The following CYP2B6 variants were observed in gnomAD, a reference collection of about 807,000 sequenced individuals.
CYP2B6 encodes the protein cytochrome P450 family 2 subfamily B member 6.
In CYP2B6, 35 loss-of-function variants were observed where a neutral mutation model predicts 43.4. The observed-to-expected ratio is 0.81, with a 90% confidence interval of 0.62 to 1.07. CYP2B6 has a LOEUF of 1.07. Ranked by LOEUF, CYP2B6 falls within the 50% of genes least tolerant of loss-of-function variation. CYP2B6 has a pLI of 0.00. For synonymous variants in CYP2B6, 239 were observed against 239.2 expected (o/e 1.00, Z 0.01); for missense variants, 624 against 632.8 (o/e 0.99, Z 0.15).
rs997373404 is a variant in CYP2B6 at position 41,018,121 on chromosome 19, G to A, written c.*1294G>A. On this transcript the variant is annotated 3_prime_UTR_variant, in exon 9 of 9. Coordinates refer to ENST00000324071, the MANE Select transcript of CYP2B6 (RefSeq NM_000767.5). ...AGTGTTCCAAAGTGCTGATATTACA[G>A]GCATAATATGTGATCTTTTGTGTCT... 2 of 152,152 alleles carry A rather than the reference G, an allele frequency of 1.3e-5. No homozygotes were observed. Among genetic ancestry groups the A allele is most frequent in the African/African-American group, 4.8e-5 (2 of 41,420 alleles). The allele number at this position is 152,152 out of a possible 1,614,324, so 9.4% of individuals were successfully genotyped here. A position where few individuals can be genotyped will look rare whatever the true frequency, so the allele number is the denominator to read the frequency against.
rs1969295086 is a variant in CYP2B6, at chr19:41,012,215, G to T, written c.965-83G>T. 6 of 1,354,068 alleles carry T rather than the reference G, an allele frequency of 4.4e-6. No homozygotes were observed. In the East Asian group the frequency reaches 9.4e-5, roughly 21 times the overall value. 83.9% of individuals were successfully genotyped at this position (1,354,068 alleles called of 1,614,324 possible). A position where few individuals can be genotyped will look rare whatever the true frequency, so the allele number is the denominator to read the frequency against. ...TCCACCCACCTCAACCTCCAAAATTGCTGGGATTACAGGCATGAGCCACCA... is the reference window on the plus strand; with the variant it reads ...TCCACCCACCTCAACCTCCAAAATTTCTGGGATTACAGGCATGAGCCACCA... On this transcript the variant is annotated intron_variant, in intron 6 of 8. Transcript: ENST00000324071.
Position 41,006,942 on chromosome 19 carries a change from T to C in CYP2B6, c.522T>C (p.Ile174=), listed in dbSNP as rs1969197695. ...LMDPTFLFQS[I]TANIICSIVF... ...ACCCCACCTTCCTCTTCCAGTCCAT[T>C]ACCGCCAACATCATCTGCTCCATCG... The change falls in exon 4 of 9, where the codon ATT becomes ATC. Residue 174 remains isoleucine (I), a synonymous_variant. Coordinates refer to ENST00000324071, the MANE Select transcript of CYP2B6 (RefSeq NM_000767.5). The C allele has an allele frequency of 6.2e-7, 1 of 1,613,892 alleles. No individual in the cohort carries two copies.
chr19:41,004,077 C>A lies in CYP2B6; in HGVS notation c.248C>A (p.Ala83Asp). The A allele has an allele frequency of 6.2e-7, 1 of 1,613,816 alleles. No homozygotes were observed. Among genetic ancestry groups the A allele is most frequent in the South Asian group, 1.1e-5 (1 of 91,062 alleles). ...GTGGTCATGCTGTGTGGAGTAGAGG[C>A]CATACGGGAGGCCCTTGTGGACAAG... ...RPVVMLCGVE[A>D]IREALVDKAE... The change falls in exon 2 of 9, where the codon GCC (alanine) becomes GAC (aspartate). Residue 83 changes from alanine (A) to aspartate (D), a missense_variant. Physicochemically the swap from Ala to Asp is moderately radical, Grantham distance 126. Coordinates refer to ENST00000324071, the MANE Select transcript of CYP2B6 (RefSeq NM_000767.5).
intron 6 of CYP2B6, among the ~76,000 whole-genome samples, chr19:41,011,262 T>A (rs1275214828): frequency 6.6e-6 from 1 of 152,228 alleles, no homozygotes; most frequent in Non-Finnish European, 1.5e-5. Context: ...TTTATTCACC[T>A]CTGATCTACT....
rs149749699 is a variant in CYP2B6, at chr19:41,016,508, C to T, written c.1295-138C>T. ...GGTTTCAGAGCAGCTTCCTAAAAGTCCACCCTGAATTGTAGGTTAAAGGCC... is the reference window on the plus strand; with the variant it reads ...GGTTTCAGAGCAGCTTCCTAAAAGTTCACCCTGAATTGTAGGTTAAAGGCC... On this transcript the variant is annotated intron_variant, in intron 8 of 8. Coordinates refer to ENST00000324071, the MANE Select transcript of CYP2B6 (RefSeq NM_000767.5). The T allele has an allele frequency of 6.9e-5, 54 of 779,784 alleles. No homozygotes were observed. The African/African-American group carries it at 7.1e-4, about 10-fold the overall frequency. 48.3% of individuals were successfully genotyped at this position (779,784 alleles called of 1,614,324 possible).
At chr19:40,997,952 T>A (rs1969021879) in intron 1 of CYP2B6, among the ~76,000 whole-genome samples, 2 of 152,062 alleles carry the variant, frequency 1.3e-5, no homozygotes, top group South Asian at 4.2e-4. Context: ...GTTTTAAAAA[T>A]TTAGCCAGGC....
chr19:41,002,537 T>C (rs10500282), intron 1 of CYP2B6, among the ~76,000 whole-genome samples: 46,670 of 151,878 alleles, frequency 0.31, 7,717 homozygotes, highest in African/African-American at 0.41. Context: ...GTGTATGAAC[T>C]TCTTTTTTGT....
chr19:40,991,385 A>T lies in CYP2B6; in HGVS notation c.80A>T (p.His27Leu), dbSNP rs750371427. The change falls in exon 1 of 9, where the codon CAT (histidine) becomes CTT (leucine). Residue 27 changes from histidine (H) to leucine (L), a missense_variant. Transcript: ENST00000324071. ...CTGGTTCAGCGCCACCCTAACACCC[A>T]TGACCGCCTCCCACCAGGGCCCCGC... ...LLLVQRHPNTHDRLPPGPRPL... is the reference protein window; with the variant it reads ...LLLVQRHPNTLDRLPPGPRPL... 5 of 1,614,024 alleles carry T rather than the reference A, an allele frequency of 3.1e-6. No individual in the cohort carries two copies. The highest frequency in any genetic ancestry group is 4.2e-6 in the Non-Finnish European group (5 of 1,180,008).
intron 1 of CYP2B6, 127 bp downstream of exon 1, chr19:40,991,603 G>A (rs1301205196): frequency 2.4e-5 from 23 of 964,400 alleles, no homozygotes; most frequent in Admixed American, 5.1e-5. Context: ...TGGTGAGTAC[G>A]GAGCATGGTG....
At chr19:41,004,715 G>A (rs551970695) in intron 3 of CYP2B6, among the ~76,000 whole-genome samples, 23 of 152,076 alleles carry the variant, frequency 1.5e-4, no homozygotes, top group Non-Finnish European at 2.9e-4. Flanking sequence ...GAGGCTGGAT[G>A]TGATGACTCT....
At chr19:40,992,683 C>T (rs1968938946) in intron 1 of CYP2B6, among the ~76,000 whole-genome samples, 1 of 152,162 alleles carries the variant, frequency 6.6e-6, no homozygotes, top group South Asian at 2.1e-4. Flanking sequence ...CCACGCCCAG[C>T]TAATTTTTGT....
chr19:40,999,308 A>T (rs1969045986), intron 1 of CYP2B6, among the ~76,000 whole-genome samples: 2 of 151,738 alleles, frequency 1.3e-5, no homozygotes, highest in Admixed American at 1.3e-4. Flanking sequence ...TTCATTGTAG[A>T]TTCTGGATAT....
chr19:41,006,435 T>C (rs936832875), intron 3 of CYP2B6, among the ~76,000 whole-genome samples: 5 of 151,132 alleles, frequency 3.3e-5, no homozygotes, highest in Non-Finnish European at 7.4e-5. Context: ...TTTAGAGGTA[T>C]GGGCCCCTGT....
intron 4 of CYP2B6, among the ~76,000 whole-genome samples, chr19:41,008,518 T>C (rs10401737): frequency 0.19 from 22,420 of 118,594 alleles, 2,364 homozygotes; most frequent in African/African-American, 0.26. Context: ...CCCTACTTTC[T>C]GGGCGGTCTG....
intron 1 of CYP2B6, among the ~76,000 whole-genome samples, chr19:40,997,148 C>T (rs2144660092): frequency 6.6e-6 from 1 of 152,000 alleles, no homozygotes; most frequent in South Asian, 2.1e-4. Context: ...AGCAGACTAG[C>T]CCATGTCAGT....
In CYP2B6 at chr19:40,998,102, T is replaced by TA. The variant is rs200588848; in HGVS notation, c.172-5890dup. Among the ~76,000 whole-genome samples the TA allele has an allele frequency of 9.4e-3, 1,423 of 151,390 alleles. 23 individuals are homozygous for TA. The highest frequency in any genetic ancestry group is 0.028 in the African/African-American group (1,168 of 41,218). ...GGGCACAGAGCAAGACCCTGTCTCT[T>TA]AAAAAAAAATCATCTGCAATGTGAG... On this transcript the variant is annotated intron_variant, in intron 1 of 8. Coordinates refer to ENST00000324071, the MANE Select transcript of CYP2B6 (RefSeq NM_000767.5).
intron 1 of CYP2B6, among the ~76,000 whole-genome samples, chr19:40,999,669 AATG>A (rs1250018060): frequency 6.6e-6 from 1 of 151,940 alleles, no homozygotes; most frequent in Admixed American, 6.6e-5. Context: ...GCTTGTCTGG[AATG>A]ATATTAAAGA....
At chr19:41,013,729 G>A (rs1969320453) in intron 8 of CYP2B6, among the ~76,000 whole-genome samples, 1 of 152,134 alleles carries the variant, frequency 6.6e-6, no homozygotes, top group African/African-American at 2.4e-5. Flanking sequence ...CTCTTTGGCT[G>A]GTTAAAAGAA....
chr19:40,996,954 G>A (rs974482338), intron 1 of CYP2B6, among the ~76,000 whole-genome samples: 22 of 152,088 alleles, frequency 1.4e-4, no homozygotes, highest in Non-Finnish European at 3.1e-4. Context: ...GGAACTGCAC[G>A]GGGGCACTGT....
Sources: allele counts gnomAD v4.1 joint callset (sites outside exome capture counted in the v4.1 genomes callset), GRCh38; gene constraint gnomAD v4.1.1; transcripts MANE v1.5; gene names NCBI Gene and HGNC (gene_info 2026-07-23, HGNC 2026-07-21).